The following AFF3 variants were observed in gnomAD, a reference collection of about 807,000 sequenced individuals.
AFF3 encodes AF4/FMR2 family member 3.
Under a neutral mutation model 129.7 loss-of-function variants are expected in AFF3, and 32 were observed. The ratio of observed to expected loss-of-function variants is 0.25; its 90% CI spans 0.19 to 0.33. The LOEUF is 0.33. AFF3 is among the 10% of genes least tolerant of loss of function. AFF3 has a pLI of 1.00. For synonymous variants in AFF3, 644 were observed against 635.4 expected (o/e 1.01, Z -0.20); for missense variants, 1,373 against 1,592.0 (o/e 0.86, Z 2.34).
intron 11 of AFF3, 31 bp from the exon 12 acceptor site, chr2:99,672,620 G>C: frequency 1.2e-6 from 2 of 1,605,312 alleles, no homozygotes; most frequent in Non-Finnish European, 1.7e-6. Context: ...GTACAAAGAG[G>C]TACAGATAGT....
At chr2:99,884,210 T>C (rs1558944579) in intron 7 of AFF3, among the ~76,000 whole-genome samples, 1 of 152,240 alleles carries the variant, frequency 6.6e-6, no homozygotes, top group African/African-American at 2.4e-5. Context: ...ATAAAAAGTA[T>C]ACGTATTTAT....
intron 8 of AFF3, among the ~76,000 whole-genome samples, chr2:99,769,078 CCTAT>C (rs1164112827): frequency 6.6e-6 from 1 of 152,126 alleles, no homozygotes; most frequent in Non-Finnish European, 1.5e-5. Context: ...ACACTTTCTC[CCTAT>C]CTATTTCTCT....
In AFF3 at chr2:99,795,220, A is replaced by G. The variant is rs576580074; in HGVS notation, c.921+42257T>C. Reference sequence around the variant, plus strand: ...GAACACTACTCAGCCATGAAAAAGAATGAAATCATGTCTTTTGCAGCAACA... The same window carrying G: ...GAACACTACTCAGCCATGAAAAAGAGTGAAATCATGTCTTTTGCAGCAACA... On this transcript the variant is annotated intron_variant, in intron 8 of 24. Coordinates refer to ENST00000672756, the MANE Select transcript of AFF3 (RefSeq NM_001386135.1). Among the ~76,000 whole-genome samples, 232 of 152,320 alleles carry G rather than the reference A, an allele frequency of 1.5e-3. 2 individuals are homozygous for G. Among genetic ancestry groups the G allele is most frequent in the South Asian group, 0.014 (68 of 4,832 alleles).
At chr2:99,728,898 G>A (rs1679578354) in intron 10 of AFF3, among the ~76,000 whole-genome samples, 1 of 152,192 alleles carries the variant, frequency 6.6e-6, no homozygotes, top group Admixed American at 6.5e-5. Flanking sequence ...AATAAGGCCT[G>A]TTCAACTGGT....
intron 15 of AFF3, among the ~76,000 whole-genome samples, chr2:99,590,111 C>T (rs191403634): frequency 1.4e-4 from 21 of 152,340 alleles, no homozygotes; most frequent in Non-Finnish European, 2.6e-4. Context: ...TCCCCAACAA[C>T]CCACAGCAAG....
intron 17 of AFF3, among the ~76,000 whole-genome samples, chr2:99,582,370 C>T (rs941039736): frequency 1.3e-5 from 2 of 152,146 alleles, no homozygotes; most frequent in Non-Finnish European, 2.9e-5. Flanking sequence ...TCCCCCACTG[C>T]AGCTGCGACA....
intron 11 of AFF3, among the ~76,000 whole-genome samples, chr2:99,692,499 C>A (rs761744105): frequency 6.6e-6 from 1 of 152,134 alleles, no homozygotes; most frequent in Non-Finnish European, 1.5e-5. Context: ...TGATGAAGGG[C>A]CTGGAAGAAG....
chr2:99,985,051 A>G (rs1679744320), intron 7 of AFF3, among the ~76,000 whole-genome samples: 2 of 152,256 alleles, frequency 1.3e-5, no homozygotes. Context: ...GTAATTAAGA[A>G]CAGATTTCAT....
At chr2:99,956,441 A>C (rs1676656264) in intron 7 of AFF3, among the ~76,000 whole-genome samples, 2 of 151,442 alleles carry the variant, frequency 1.3e-5, no homozygotes, top group African/African-American at 4.9e-5. Context: ...CTGAAGTTGG[A>C]GGGGGGGGCT....
In AFF3 at chr2:99,867,575, T is replaced by TAAAA. The variant is rs558832878; in HGVS notation, c.874-30052_874-30051insTTTT. 3.0e-4 allele frequency among the ~76,000 whole-genome samples: 29 copies of TAAAA among 98,184 alleles called. 3 individuals carry two copies. Among genetic ancestry groups the TAAAA allele is most frequent in the Non-Finnish European group, 3.2e-4 (16 of 50,004 alleles). 64.4% of individuals were successfully genotyped at this position (98,184 alleles called of 152,430 possible). On this transcript the variant is annotated intron_variant, in intron 7 of 24. Transcript: ENST00000672756. Reference sequence around the variant, plus strand: ...TCTCCCCAAGGCCTATATTTCTATATTAAAAAAAAAAAAAAAAACATAGCT... The same window carrying TAAAA: ...TCTCCCCAAGGCCTATATTTCTATATAAAATAAAAAAAAAAAAAAAAACATAGCT...
chr2:99,871,970 G>A (rs1691896235), intron 7 of AFF3, among the ~76,000 whole-genome samples: 1 of 152,078 alleles, frequency 6.6e-6, no homozygotes, highest in South Asian at 2.1e-4. Context: ...CACTTTGGGA[G>A]GCTGAGGTGG....
At chr2:100,025,857 T>C (rs1279374391) in intron 4 of AFF3, among the ~76,000 whole-genome samples, 2 of 152,184 alleles carry the variant, frequency 1.3e-5, no homozygotes, top group African/African-American at 4.8e-5. Flanking sequence ...TGTAGGAGAA[T>C]GAAACTGGAT....
intron 1 of AFF3, among the ~76,000 whole-genome samples, chr2:100,134,377 T>C (rs935451120): frequency 6.6e-6 from 1 of 152,248 alleles, no homozygotes; most frequent in Non-Finnish European, 1.5e-5. Context: ...TAGGCATCTG[T>C]ATTTTTTTTC....
intron 7 of AFF3, among the ~76,000 whole-genome samples, chr2:99,913,584 A>G (rs1695252603): frequency 2.0e-5 from 3 of 152,212 alleles, no homozygotes; most frequent in Admixed American, 2.0e-4. Context: ...ACAACACTTA[A>G]GTAGTAATGA....
intron 8 of AFF3, among the ~76,000 whole-genome samples, chr2:99,822,300 G>C (rs1169816770): frequency 9.6e-6 from 1 of 104,654 alleles, no homozygotes; most frequent in Non-Finnish European, 1.9e-5. Flanking sequence ...AGTTTTCCCA[G>C]TGATGCTAAG....
chr2:100,011,578 GA>G (rs1419351312), intron 4 of AFF3: 1 of 780,904 alleles, frequency 1.3e-6, no homozygotes, highest in South Asian at 1.3e-5. Flanking sequence ...ACCCCTGCAA[GA>G]AATATAAACA....
chr2:99,815,494 C>T (rs1404125334), intron 8 of AFF3, among the ~76,000 whole-genome samples: 2 of 152,182 alleles, frequency 1.3e-5, no homozygotes, highest in Non-Finnish European at 2.9e-5. Flanking sequence ...TGCTGTTTTA[C>T]TTTTACTTAT....
chr2:99,573,739 C>T (rs1298804124), intron 18 of AFF3, among the ~76,000 whole-genome samples: 1 of 152,184 alleles, frequency 6.6e-6, no homozygotes, highest in South Asian at 2.1e-4. Flanking sequence ...TCCTCACTGT[C>T]GGGAGGTTCA....
intron 8 of AFF3, among the ~76,000 whole-genome samples, chr2:99,767,278 A>AT (rs1683094166): frequency 6.6e-6 from 1 of 152,200 alleles, no homozygotes; most frequent in Non-Finnish European, 1.5e-5. Context: ...CAACAGATCT[A>AT]TATTCGAACA....
Sources: allele counts gnomAD v4.1 joint callset (sites outside exome capture counted in the v4.1 genomes callset), GRCh38; gene constraint gnomAD v4.1.1; transcripts MANE v1.5; gene names NCBI Gene and HGNC (gene_info 2026-07-23, HGNC 2026-07-21).